SLC4A1: variants seen among roughly 807,000 people sequenced by gnomAD.
SLC4A1 encodes band 3 anion transport protein.
SLC4A1 carries 29 observed loss-of-function variants against 93.1 expected under a neutral mutation model. The ratio of observed to expected loss-of-function variants is 0.31; its 90% confidence interval spans 0.23 to 0.42. The LOEUF is 0.42. SLC4A1 is among the 20% of genes least tolerant of loss of function. SLC4A1 has a pLI of 1.00. For synonymous variants in SLC4A1, 469 were observed against 497.2 expected (o/e 0.94, Z 0.76); for missense variants, 965 against 1,190.1 (o/e 0.81, Z 2.78).
At chr17:44,255,320 T>G in intron 14 of SLC4A1, 24 bp from the exon 15 acceptor site, 1 of 1,532,606 alleles carries the variant, frequency 6.5e-7, no homozygotes, top group Non-Finnish European at 8.9e-7. Flanking sequence ...AAAGGACCAG[T>G]GGTCAGTGCC....
intron 12 of SLC4A1, 44 bp from the exon 13 acceptor site, chr17:44,257,588 G>C (rs2047400744): frequency 6.2e-7 from 1 of 1,612,908 alleles, no homozygotes; most frequent in African/African-American, 1.3e-5. Context: ...AGGGTCTTGG[G>C]GCAAGGCACC....
rs1003033785 is a variant in SLC4A1, at chr17:44,253,347, G to C, written c.2082C>G (p.Arg694=). The C allele has an allele frequency of 3.1e-6, 5 of 1,612,890 alleles. No homozygotes were observed. The highest frequency in any genetic ancestry group is 3.4e-6 in the Non-Finnish European group (4 of 1,179,202). The change falls in exon 17 of 20, where the codon CGC becomes CGG. Residue 694 remains arginine, a synonymous_variant. Coordinates refer to ENST00000262418, the MANE Select transcript of SLC4A1 (RefSeq NM_000342.4). ...GGAAGCCGGAGCCCTTGACCATCTT[G>C]CGCTCAGGTTTGCTGACAATCAGCC... ...ITTLIVSKPE[R]KMVKGSGFHL...
chr17:44,259,689 G>A, intron 7 of SLC4A1, 108 bp from the exon 8 acceptor site: 1 of 1,544,936 alleles, frequency 6.5e-7, no homozygotes, highest in South Asian at 1.1e-5. Context: ...GCACCCCCCG[G>A]GCACAGGAGT....
At chr17:44,252,427 G>A (rs1260893349) in intron 17 of SLC4A1, among the ~76,000 whole-genome samples, 1 of 152,122 alleles carries the variant, frequency 6.6e-6, no homozygotes, top group Non-Finnish European at 1.5e-5. Flanking sequence ...CAGCTGGCAA[G>A]GAGTCAAAGC....
intron 15 of SLC4A1, 113 bp from the exon 16 acceptor site, chr17:44,254,775 A>G (rs2047373851): frequency 1.2e-6 from 1 of 857,082 alleles, no homozygotes; most frequent in Non-Finnish European, 1.9e-6. Flanking sequence ...GCACTTGGGA[A>G]CTTACTTATA....
At chr17:44,263,259 C>T (rs1418525042) in intron 1 of SLC4A1, among the ~76,000 whole-genome samples, 3 of 152,110 alleles carry the variant, frequency 2.0e-5, no homozygotes, top group Non-Finnish European at 4.4e-5. Flanking sequence ...TTTTCTTGCC[C>T]ATCCCTGGGA....
rs889257621 is a variant in SLC4A1, at chr17:44,254,372, C to T, written c.2057+124G>A. 9.3e-6 allele frequency: 8 copies of T among 857,224 alleles called. No individual in the cohort carries two copies. The East Asian group carries it at 1.1e-4, about 11-fold the overall frequency. The allele number at this position is 857,224 out of a possible 1,614,324, so 53.1% of individuals were successfully genotyped here. On this transcript the variant is annotated intron_variant, in intron 16 of 19. Coordinates refer to ENST00000262418, the MANE Select transcript of SLC4A1 (RefSeq NM_000342.4). ...CTGGCTTTTCACTATTCCTGCTAGT[C>T]GGGAGGGCCACACACCCGCAGGGAC...
rs67064853 is a variant in SLC4A1, at chr17:44,251,720, C to CTTTTTTTTTTTTT, written c.2312-145_2312-133dup. ...GCCATTTCTTTTTTCCTTTTCTTTT[C>CTTTTTTTTTTTTT]TTTTTTTTTTTTTTTTTTTGTTTTT... is the stretch of plus-strand genomic sequence containing the variant. On this transcript the variant is annotated intron_variant, in intron 17 of 19. Transcript: ENST00000262418. 1.1e-3 allele frequency: 417 copies of CTTTTTTTTTTTTT among 392,566 alleles called. 2 individuals carry two copies. The highest frequency in any genetic ancestry group is 3.5e-3 in the African/African-American group (114 of 32,794). The allele number at this position is 392,566 out of a possible 1,614,324, so 24.3% of individuals were successfully genotyped here.
chr17:44,264,253 A>G (rs2047476623), intron 1 of SLC4A1, among the ~76,000 whole-genome samples: 1 of 152,192 alleles, frequency 6.6e-6, no homozygotes, highest in South Asian at 2.1e-4. Flanking sequence ...TGAGCTCAGG[A>G]GTCCGAGACC....
In SLC4A1 at chr17:44,250,391, T is replaced by C; in HGVS notation, c.*67A>G. The stretch of plus-strand genomic sequence containing the variant: ...TGGAGTCCATGAGGTGCCCATGAAC[T>C]TCTGCTTTTCCTTGGAAGGTGGGGA... On this transcript the variant is annotated 3_prime_UTR_variant, in exon 20 of 20. Transcript: ENST00000262418. 7.4e-7 allele frequency: 1 copy of C among 1,348,240 alleles called. No homozygotes were observed. Among genetic ancestry groups the C allele is most frequent in the South Asian group, 1.2e-5 (1 of 85,294 alleles). The allele number at this position is 1,348,240 out of a possible 1,614,324, so 83.5% of individuals were successfully genotyped here. A position where few individuals can be genotyped will look rare whatever the true frequency, so the allele number is the denominator to read the frequency against.
chr17:44,251,476 G>T lies in SLC4A1; in HGVS notation c.2424C>A (p.Arg808=), dbSNP rs1408987137. 1.2e-6 allele frequency: 2 copies of T among 1,614,226 alleles called. No individual in the cohort carries two copies. The highest frequency in any genetic ancestry group is 2.2e-5 in the South Asian group (2 of 91,084). Reference sequence around the variant, plus strand: ...TGGGTGGCTTGAACAGAAGCAAGATGCGGTCAAAGAGCTGGATGCCGCTGA... The same window carrying T: ...TGGGTGGCTTGAACAGAAGCAAGATTCGGTCAAAGAGCTGGATGCCGCTGA... ...TSLSGIQLFD[R]ILLLFKPPKY... The change falls in exon 18 of 20, where the codon CGC becomes CGA. Residue 808 remains arginine, a synonymous_variant. Coordinates refer to ENST00000262418, the MANE Select transcript of SLC4A1 (RefSeq NM_000342.4).
In SLC4A1 at chr17:44,250,311, G is replaced by T. The variant is rs149588284; in HGVS notation, c.*147C>A. ...CCTTTGTGGAAGGTCTCCTGGACAC[G>T]CCTTCCTTCCCCACCCACAGCCCTG... On this transcript the variant is annotated 3_prime_UTR_variant, in exon 20 of 20. Coordinates refer to ENST00000262418, the MANE Select transcript of SLC4A1 (RefSeq NM_000342.4). The T allele has an allele frequency of 5.7e-6, 4 of 697,802 alleles. No homozygotes were observed. The highest frequency in any genetic ancestry group is 1.0e-5 in the Non-Finnish European group (4 of 391,402). The allele number at this position is 697,802 out of a possible 1,614,324, so 43.2% of individuals were successfully genotyped here. A position where few individuals can be genotyped will look rare whatever the true frequency, so the allele number is the denominator to read the frequency against.
chr17:44,253,013 G>C (rs1013207765), intron 17 of SLC4A1, 105 bp downstream of exon 17: 24 of 1,197,490 alleles, frequency 2.0e-5, no homozygotes, highest in African/African-American at 1.3e-4. Context: ...GGTGCAGGAT[G>C]GGGGAGGCTG....
chr17:44,251,095 A>G, intron 19 of SLC4A1, 64 bp downstream of exon 19: 1 of 1,516,908 alleles, frequency 6.6e-7, no homozygotes, highest in Admixed American at 2.0e-5. Flanking sequence ...TGCCTGCCCT[A>G]GTTCTGAGAC....
In SLC4A1 at chr17:44,251,555, C is replaced by T. The variant is rs777827818; in HGVS notation, c.2345G>A (p.Arg782His). 2.5e-5 allele frequency: 40 copies of T among 1,613,866 alleles called. No homozygotes were observed. The highest frequency in any genetic ancestry group is 3.3e-4 in the Middle Eastern group (2 of 6,084). The change falls in exon 18 of 20, where the codon CGC (arginine) becomes CAC (histidine). Residue 782 changes from arginine (R) to histidine (H), a missense_variant. Coordinates refer to ENST00000262418, the MANE Select transcript of SLC4A1 (RefSeq NM_000342.4). ...LSILMEPILS[R>H]IPLAVLFGIF... ...GCCAAACAGTACAGCCAGGGGGATG[C>T]GGGACAGGATGGGCTCCATGAGGAT...
Position 44,254,592 on chromosome 17 carries a change from C to T in SLC4A1, c.1961G>A (p.Gly654Asp). ...CCAGATGGGAAACTCGGAACGCAAG[C>T]CCAGTGGGTGGATGACCCAGCCCCG... ...SARGWVIHPL[G>D]LRSEFPIWMM... The change falls in exon 16 of 20, where the codon GGC becomes GAC. Residue 654 changes from glycine to aspartate, a missense_variant. Gly to Asp is a moderately conservative substitution (Grantham distance 94). Around this residue, in one of 2 missense-constraint regions of SLC4A1, gnomAD observed 770 missense variants for 1,006.6 expected, o/e 0.76. Transcript: ENST00000262418. 6.2e-7 allele frequency: 1 copy of T among 1,614,144 alleles called. No homozygotes were observed. Among genetic ancestry groups the T allele is most frequent in the Non-Finnish European group, 8.5e-7 (1 of 1,180,010 alleles).
At chr17:44,263,212 A>G (rs1471113725) in intron 1 of SLC4A1, among the ~76,000 whole-genome samples, 4 of 152,010 alleles carry the variant, frequency 2.6e-5, no homozygotes, top group Admixed American at 6.6e-5. Context: ...CCTCAGGTCC[A>G]TCTCCCTCCT....
In SLC4A1 at chr17:44,259,818, G is replaced by C. The variant is rs1567834132; in HGVS notation, c.600C>G (p.Phe200Leu). 6.2e-7 allele frequency: 1 copy of C among 1,614,062 alleles called. No individual in the cohort carries two copies. Among genetic ancestry groups the C allele is most frequent in the Non-Finnish European group, 8.5e-7 (1 of 1,180,024 alleles). Residue 200 changes from phenylalanine (F) to leucine (L), a missense_variant, in exon 7 of 20, where the codon TTC (phenylalanine) becomes TTG (leucine). Coordinates refer to ENST00000262418, the MANE Select transcript of SLC4A1 (RefSeq NM_000342.4). The stretch of plus-strand genomic sequence containing the variant: ...CCTGTAACTGACTCACCTGCTCACA[G>C]AAGAGCTGTGTCTCCAGTGAGGAGT... ...PQHSSLETQL[F>L]CEQGDGGTEG...
At chr17:44,252,046 TC>T (rs1460463882) in intron 17 of SLC4A1, among the ~76,000 whole-genome samples, 10 of 137,692 alleles carry the variant, frequency 7.3e-5, no homozygotes, top group Admixed American at 2.9e-4. Flanking sequence ...TTCCTATGGG[TC>T]TTTTTTTTTT....
Sources: allele counts gnomAD v4.1 joint callset (sites outside exome capture counted in the v4.1 genomes callset), GRCh38; gene constraint gnomAD v4.1.1; regional missense constraint gnomAD v4.1.1; transcripts MANE v1.5; gene names NCBI Gene and HGNC (gene_info 2026-07-23, HGNC 2026-07-21).